Variants in RBFOX1 observed in about 807,000 individuals in gnomAD.
RBFOX1 encodes the protein RNA binding fox-1 homolog 1.
In RBFOX1, 8 loss-of-function variants were observed where a neutral mutation model predicts 57.7. The ratio of observed to expected loss-of-function variants is 0.14; its 90% confidence interval spans 0.08 to 0.25. RBFOX1 has a LOEUF of 0.25. RBFOX1 is among the 10% of genes least tolerant of loss of function. The pLI, the probability that RBFOX1 is intolerant of heterozygous loss-of-function variation, is 1.00. For synonymous variants in RBFOX1, 326 were observed against 222.4 expected (o/e 1.47, Z -4.15); for missense variants, 611 against 548.5 (o/e 1.11, Z -1.14).
rs941493989 is a variant in RBFOX1 at position 7,192,515 on chromosome 16, G to T, written c.27+140417G>T. Among the ~76,000 whole-genome samples the T allele has an allele frequency of 2.1e-4, 32 of 152,068 alleles. 1 individual carries two copies. Among genetic ancestry groups the T allele is most frequent in the Admixed American group, 1.4e-3 (21 of 15,252 alleles). Reference sequence around the variant, plus strand: ...CTCTTCACTTTGAATAAATATTGAGGTACTGAAGCATCAACTGTGAGAAGA... The same window carrying T: ...CTCTTCACTTTGAATAAATATTGAGTTACTGAAGCATCAACTGTGAGAAGA... On this transcript the variant is annotated intron_variant, in intron 4 of 15. Transcript: ENST00000550418.
chr16:6,491,736 T>G (rs571319088), intron 2 of RBFOX1, among the ~76,000 whole-genome samples: 6 of 152,212 alleles, frequency 3.9e-5, no homozygotes, highest in African/African-American at 1.2e-4. Flanking sequence ...CTTGGGATGG[T>G]TTTTCAAGGG....
intron 4 of RBFOX1, among the ~76,000 whole-genome samples, chr16:7,238,727 T>A (rs951546512): frequency 6.6e-6 from 1 of 152,198 alleles, no homozygotes; most frequent in East Asian, 1.9e-4. Context: ...TTGTGCAGAT[T>A]ATTTCATCAC....
At chr16:7,289,909 C>T (rs893600920) in intron 4 of RBFOX1, among the ~76,000 whole-genome samples, 37 of 152,282 alleles carry the variant, frequency 2.4e-4, no homozygotes, top group African/African-American at 6.7e-4. Context: ...GGAGGTCTGC[C>T]TCCCTAGTCC....
intron 4 of RBFOX1, among the ~76,000 whole-genome samples, chr16:5,968,262 A>G (rs1219256079): frequency 1.3e-5 from 2 of 151,958 alleles, no homozygotes; most frequent in Admixed American, 1.3e-4. Flanking sequence ...TTTAGTAGAG[A>G]TGGGGTTTCA....
At chr16:6,197,710 G>T (rs186411359) in intron 1 of RBFOX1, among the ~76,000 whole-genome samples, 1 of 151,790 alleles carries the variant, frequency 6.6e-6, no homozygotes, top group Non-Finnish European at 1.5e-5. Flanking sequence ...TCATGTCATG[G>T]GGATTCGTTG....
intron 3 of RBFOX1, among the ~76,000 whole-genome samples, chr16:5,800,854 A>G (rs1168742903): frequency 2.0e-5 from 3 of 152,056 alleles, no homozygotes; most frequent in East Asian, 3.9e-4. Flanking sequence ...AATGGCTGGG[A>G]GGGCACGGGA....
At chr16:6,884,282 G>T (rs556243673) in intron 3 of RBFOX1, among the ~76,000 whole-genome samples, 1 of 152,122 alleles carries the variant, frequency 6.6e-6, no homozygotes, top group Admixed American at 6.5e-5. Context: ...TCCAAACTCT[G>T]GGTACTGTGA....
chr16:6,125,651 G>C (rs1005638249), intron 1 of RBFOX1, among the ~76,000 whole-genome samples: 12 of 152,294 alleles, frequency 7.9e-5, no homozygotes, highest in African/African-American at 2.9e-4. Context: ...AGGGTGAAAA[G>C]GCCTTGGGAG....
intron 3 of RBFOX1, among the ~76,000 whole-genome samples, chr16:6,777,258 C>G (rs1021736072): frequency 2.0e-5 from 3 of 152,084 alleles, no homozygotes; most frequent in Non-Finnish European, 1.5e-5. Flanking sequence ...CATTATCTGG[C>G]ATTGCTTTTT....
At chr16:6,805,515 C>T (rs2086546140) in intron 3 of RBFOX1, among the ~76,000 whole-genome samples, 1 of 152,138 alleles carries the variant, frequency 6.6e-6, no homozygotes, top group Non-Finnish European at 1.5e-5. Context: ...TGAACCTGTA[C>T]ATGTACCTCT....
intron 2 of RBFOX1, among the ~76,000 whole-genome samples, chr16:5,513,985 C>T (rs891345917): frequency 1.3e-5 from 2 of 152,012 alleles, no homozygotes; most frequent in African/African-American, 4.8e-5. Flanking sequence ...TTAAGGCAGG[C>T]TTTGTCATGT....
chr16:6,561,220 G>A (rs535294692), intron 2 of RBFOX1, among the ~76,000 whole-genome samples: 23 of 152,244 alleles, frequency 1.5e-4, no homozygotes, highest in African/African-American at 5.5e-4. Context: ...GTTCCCTGCT[G>A]TCTACTAGGG....
At chr16:6,602,087 C>G (rs1055961656) in intron 2 of RBFOX1, among the ~76,000 whole-genome samples, 2 of 152,084 alleles carry the variant, frequency 1.3e-5, no homozygotes, top group Non-Finnish European at 2.9e-5. Context: ...CATTTATTCC[C>G]TAAGTTGTTT....
At chr16:6,077,058 C>T (rs1009082737) in intron 1 of RBFOX1, among the ~76,000 whole-genome samples, 2 of 152,194 alleles carry the variant, frequency 1.3e-5, no homozygotes, top group Non-Finnish European at 2.9e-5. Context: ...GTTTTATTTA[C>T]AGCTTCGTAA....
rs189232001 is a variant in RBFOX1, at chr16:7,023,901, G to A, written c.-15-28156G>A. 1.8e-3 allele frequency among the ~76,000 whole-genome samples: 267 copies of A among 152,248 alleles called. 1 individual carries two copies. Among genetic ancestry groups the A allele is most frequent in the African/African-American group, 6.2e-3 (257 of 41,560 alleles). Reference sequence around the variant, plus strand: ...GATCAAAGTATATCGAGTTTGGAAAGGGAGTTGAAAACAAGGAAGACTCCC... The same window carrying A: ...GATCAAAGTATATCGAGTTTGGAAAAGGAGTTGAAAACAAGGAAGACTCCC... On this transcript the variant is annotated intron_variant, in intron 3 of 15. Transcript: ENST00000550418.
intron 4 of RBFOX1, among the ~76,000 whole-genome samples, chr16:7,420,660 G>C (rs2098532001): frequency 6.6e-6 from 1 of 151,206 alleles, no homozygotes; most frequent in South Asian, 2.1e-4. Context: ...CTGCCAGGTT[G>C]AATGTTGTCT....
intron 4 of RBFOX1, among the ~76,000 whole-genome samples, chr16:5,990,431 T>C (rs1937275978): frequency 6.6e-6 from 1 of 152,214 alleles, no homozygotes; most frequent in Non-Finnish European, 1.5e-5. Flanking sequence ...ACCAAACTTA[T>C]TCACATTCGA....
chr16:5,599,044 A>G lies in RBFOX1; in HGVS notation c.401A>G (p.Asn134Ser), dbSNP rs17138176. The change falls in exon 3 of 3, where the codon AAT (asparagine) becomes AGT (serine). Residue 134 changes from asparagine (N) to serine (S), a missense_variant. Physicochemically the swap from Asn to Ser is conservative, Grantham distance 46. Transcript: ENST00000585867. Reference sequence around the variant, plus strand: ...TCAGCCTCTTTGGTCTCCGTCATCAATCACCGGGAATGGTTTTTACCTGAA... The same window carrying G: ...TCAGCCTCTTTGGTCTCCGTCATCAGTCACCGGGAATGGTTTTTACCTGAA... The G allele has an allele frequency of 4.5e-3, 5,528 of 1,218,198 alleles. 163 individuals carry two copies. The African/African-American group carries it at 0.068, about 15-fold the overall frequency. The allele number at this position is 1,218,198 out of a possible 1,614,324, so 75.5% of individuals were successfully genotyped here. A position where few individuals can be genotyped will look rare whatever the true frequency, so the allele number is the denominator to read the frequency against.
chr16:5,607,623 C>G (rs2047632362), intron 3 of RBFOX1, among the ~76,000 whole-genome samples: 1 of 152,088 alleles, frequency 6.6e-6, no homozygotes, highest in Non-Finnish European at 1.5e-5. Context: ...CTTAGTAAGG[C>G]TTGTTCTTGA....
Sources: gnomAD v4.1 joint callset for allele counts (sites outside exome capture counted in the v4.1 genomes callset) on GRCh38, gnomAD v4.1.1 for gene constraint, MANE v1.5 for transcripts, NCBI Gene and HGNC (gene_info 2026-07-23, HGNC 2026-07-21) for gene names.